G6PD: variants seen among roughly 807,000 people sequenced by gnomAD.
The protein encoded by G6PD is glucose-6-phosphate dehydrogenase.
Under a neutral mutation model 38.2 loss-of-function variants are expected in G6PD, and 2 were observed. That is an observed-to-expected ratio of 0.05 (90% confidence interval 0.02 to 0.16). The LOEUF (loss-of-function observed/expected upper bound fraction) is 0.16. G6PD is among the 10% of genes least tolerant of loss of function. G6PD has a pLI of 1.00. For synonymous variants in G6PD, 188 were observed against 196.0 expected (o/e 0.96, Z 0.34); for missense variants, 310 against 471.6 (o/e 0.66, Z 3.17).
intron 1 of G6PD, among the ~76,000 whole-genome samples, chrX:154,546,542 T>G (rs2070722399): frequency 1.8e-5 from 2 of 111,133 alleles, no homozygotes; most frequent in Admixed American, 1.9e-4. Flanking sequence ...TGGGAGATGG[T>G]GCAGATGCTG....
In G6PD at chrX:154,546,795, TTCG is replaced by T. The variant is rs1557233497; in HGVS notation, c.-18_-16del. 1 of 1,160,702 alleles carries T rather than the reference TTCG, an allele frequency of 8.6e-7. No homozygotes were observed. The highest frequency in any genetic ancestry group is 1.8e-5 in the African/African-American group (1 of 56,196). ...CGCCCGCCCGGCCGGTTACCTGCGC[TTCG>T]TCGTCGTCGCCCTCCGCGCTCGCAG... On this transcript the variant is annotated 5_prime_UTR_variant, in exon 1 of 13. Coordinates refer to ENST00000393562, the MANE Select transcript of G6PD (RefSeq NM_001360016.2).
chrX:154,546,948 C>G (rs1557233674), upstream of G6PD: 1 of 407,644 alleles, frequency 2.5e-6, no homozygotes, highest in African/African-American at 2.7e-5. Flanking sequence ...GGGGCCTCGG[C>G]CACCACCCCT....
intron 5 of G6PD, 85 bp from the exon 6 acceptor site, chrX:154,534,581 C>G: frequency 1.8e-6 from 2 of 1,130,467 alleles, no homozygotes; most frequent in Non-Finnish European, 2.4e-6. Context: ...GACGCCCTCC[C>G]AGGGGAGTAG....
At chrX:154,546,957 C>T (rs1391762841), upstream of G6PD, 2 of 363,542 alleles carry the variant, frequency 5.5e-6, no homozygotes, top group Non-Finnish European at 8.1e-6. Context: ...GCCACCACCC[C>T]TCGTGCGGGC....
chrX:154,531,526 G>A lies in G6PD; in HGVS notation c.*474C>T, dbSNP rs934656288. 1.2e-5 allele frequency: 2 copies of A among 170,578 alleles called. No homozygotes were observed. Among genetic ancestry groups the A allele is most frequent in the East Asian group, 3.2e-4 (2 of 6,228 alleles). 14.1% of individuals were successfully genotyped at this position (170,578 alleles called of 1,213,427 possible). ...GGAGTGCAGAGTTGGTGGGACAGGGGACATCCAGGGGGCTCGAGATGTTGC... is the reference window on the plus strand; with the variant it reads ...GGAGTGCAGAGTTGGTGGGACAGGGAACATCCAGGGGGCTCGAGATGTTGC... On this transcript the variant is annotated 3_prime_UTR_variant, in exon 13 of 13. Coordinates refer to ENST00000393562, the MANE Select transcript of G6PD (RefSeq NM_001360016.2).
Position 154,532,074 on chromosome X carries a change from C to T in G6PD, c.1474G>A (p.Ala492Thr). 1 of 1,210,121 alleles carries T rather than the reference C, an allele frequency of 8.3e-7. No homozygotes were observed. Among genetic ancestry groups the T allele is most frequent in the Non-Finnish European group, 1.1e-6 (1 of 894,948 alleles). Residue 492 changes from alanine (A) to threonine (T), a missense_variant, in exon 13 of 13, where the codon GCA becomes ACA. Ala to Thr is a moderately conservative substitution (Grantham distance 58, BLOSUM62 0). This residue lies in a region of G6PD where 168 missense variants were observed against 309.2 expected (regional missense o/e 0.54). Transcript: ENST00000393562. ...CCCACTCTCTTCATCAGCTCGTCTG[C>T]CTCCGTGGGGCCTCGGCTGGAGAGT... Reference protein sequence around the residue: ...YIYGSRGPTEADELMKRVGFQ... With the variant: ...YIYGSRGPTETDELMKRVGFQ...
At chrX:154,546,339 C>G (rs2070714724) in intron 1 of G6PD, 176 bp from the exon 2 acceptor site, 2 of 578,252 alleles carry the variant, frequency 3.5e-6, no homozygotes, top group Admixed American at 2.8e-5. Flanking sequence ...ACTGCTGGCT[C>G]TGGGCTCCAG....
upstream of G6PD, chrX:154,546,854 G>A (rs1557233578): frequency 2.7e-6 from 3 of 1,124,108 alleles, no homozygotes; most frequent in South Asian, 4.0e-5. Flanking sequence ...TCCGGGGGCT[G>A]AGCCCCGCCG....
At chrX:154,544,374 A>C (rs997573425) in intron 2 of G6PD, among the ~76,000 whole-genome samples, 12 of 109,839 alleles carry the variant, frequency 1.1e-4, no homozygotes, top group South Asian at 3.8e-4. Flanking sequence ...GTTGGCCAGG[A>C]TGGTCTCGAT....
At chrX:154,546,322 G>T in intron 1 of G6PD, 159 bp from the exon 2 acceptor site, 1 of 666,337 alleles carries the variant, frequency 1.5e-6, no homozygotes, top group Non-Finnish European at 2.3e-6. Context: ...TGGTTGATGG[G>T]TTAGAAACTG....
At chrX:154,544,876 T>C (rs2070648095) in intron 2 of G6PD, among the ~76,000 whole-genome samples, 1 of 112,649 alleles carries the variant, frequency 8.9e-6, no homozygotes, top group Admixed American at 9.4e-5. Flanking sequence ...AAAGAACCAC[T>C]GAGCTCAGCC....
At position 154,542,198 on chromosome X, in the gene G6PD, G is replaced by A. The variant is rs2070528319; in HGVS notation, c.120+3838C>T. On this transcript the variant is annotated intron_variant, in intron 2 of 12. Transcript: ENST00000393562. ...AAATGTTCTGAGGAAAGGGGAGGCG[G>A]GGGCCGCTGGGTCATCCCTCCCACA... 9.9e-6 allele frequency: 7 copies of A among 704,412 alleles called. No individual in the cohort carries two copies. In the East Asian group the frequency reaches 1.1e-4, roughly 11 times the overall value. 58.1% of individuals were successfully genotyped at this position (704,412 alleles called of 1,213,427 possible).
At chrX:154,543,272 G>A (rs782212353) in intron 2 of G6PD, among the ~76,000 whole-genome samples, 1 of 112,811 alleles carries the variant, frequency 8.9e-6, no homozygotes, top group South Asian at 3.6e-4. Context: ...ACAGAGGAGA[G>A]CAAAGGGGAA....
Position 154,533,563 on chromosome X carries a change from G to A in G6PD, c.864+13C>T. ...ACAGGGCATGCTCCTGGGGACTGGGGTGCACCCCCTACCTTCTCATCACGG... is the reference window on the plus strand; with the variant it reads ...ACAGGGCATGCTCCTGGGGACTGGGATGCACCCCCTACCTTCTCATCACGG... On this transcript the variant is annotated intron_variant, in intron 8 of 12. Coordinates refer to ENST00000393562, the MANE Select transcript of G6PD (RefSeq NM_001360016.2). 1 of 1,211,625 alleles carries A rather than the reference G, an allele frequency of 8.3e-7. No individual in the cohort carries two copies. Among genetic ancestry groups the A allele is most frequent in the South Asian group, 1.8e-5 (1 of 56,998 alleles).
At position 154,531,634 on chromosome X, in the gene G6PD, C is replaced by T. The variant is rs1185835207; in HGVS notation, c.*366G>A. 7.1e-6 allele frequency: 2 copies of T among 280,682 alleles called. No individual in the cohort carries two copies. Among genetic ancestry groups the T allele is most frequent in the African/African-American group, 5.5e-5 (2 of 36,685 alleles). The allele number at this position is 280,682 out of a possible 1,213,427, so 23.1% of individuals were successfully genotyped here. On this transcript the variant is annotated 3_prime_UTR_variant, in exon 13 of 13. Transcript: ENST00000393562. ...CTCTCACGTGGGTGCTCGCCCCTTTCCTCCCCCTCGTCCCTCCCTCCCACC... is the reference window on the plus strand; with the variant it reads ...CTCTCACGTGGGTGCTCGCCCCTTTTCTCCCCCTCGTCCCTCCCTCCCACC...
chrX:154,538,699 G>A (rs1215611990), intron 2 of G6PD, among the ~76,000 whole-genome samples: 2 of 111,640 alleles, frequency 1.8e-5, no homozygotes, highest in Non-Finnish European at 3.8e-5. Context: ...AGGCCGAGGC[G>A]GGGAATCGCT....
At position 154,535,331 on chromosome X, in the gene G6PD, C is replaced by T; in HGVS notation, c.322G>A (p.Val108Met). ...LEDFFARNSY[V>M]AGQYDDAASY... ...GCTGCATCATCGTACTGGCCAGCCA[C>T]ATAGGAGTTGCGGGCAAAGAAGTCC... Residue 108 changes from valine (V) to methionine (M), a missense_variant, in exon 5 of 13, where the codon GTG becomes ATG. Val to Met is a conservative substitution (Grantham distance 21). Transcript: ENST00000393562. 8.2e-7 allele frequency: 1 copy of T among 1,212,200 alleles called. No homozygotes were observed. Among genetic ancestry groups the T allele is most frequent in the South Asian group, 1.8e-5 (1 of 57,033 alleles).
intron 2 of G6PD, among the ~76,000 whole-genome samples, chrX:154,536,701 G>A: frequency 1.8e-5 from 2 of 110,893 alleles, no homozygotes; most frequent in South Asian, 7.6e-4. Context: ...GTGGTGGCAG[G>A]CACCTGTAAT....
rs1557229661 is a variant in G6PD, at chrX:154,532,601, G to A, written c.1253C>T (p.Ser418Leu). 1 of 1,212,087 alleles carries A rather than the reference G, an allele frequency of 8.3e-7. No individual in the cohort carries two copies. Among genetic ancestry groups the A allele is most frequent in the Non-Finnish European group, 1.1e-6 (1 of 895,533 alleles). The change falls in exon 10 of 13, where the codon TCG (serine) becomes TTG (leucine). Residue 418 changes from serine to leucine, a missense_variant. Transcript: ENST00000393562. Reference protein sequence around the residue: ...KPGMFFNPEESELDLTYGNRY... With the variant: ...KPGMFFNPEELELDLTYGNRY... ...GTTGCCGTAGGTCAGGTCCAGCTCCGACTCCTCGGGGTTGAAGAACATGCC... is the reference window on the plus strand; with the variant it reads ...GTTGCCGTAGGTCAGGTCCAGCTCCAACTCCTCGGGGTTGAAGAACATGCC...
Sources: allele counts gnomAD v4.1 joint callset (sites outside exome capture counted in the v4.1 genomes callset), GRCh38; gene constraint gnomAD v4.1.1; regional missense constraint gnomAD v4.1.1; transcripts MANE v1.5; gene names NCBI Gene and HGNC (gene_info 2026-07-23, HGNC 2026-07-21).